Variants in C21orf58 observed in about 807,000 individuals in gnomAD.
C21orf58 encodes chromosome 21 open reading frame 58.
Under a neutral mutation model 35.8 loss-of-function variants are expected in C21orf58, and 34 were observed. The observed-to-expected ratio is 0.95, with a 90% CI of 0.72 to 1.26. The LOEUF is 1.26. C21orf58 is among the 50% of genes most tolerant of loss of function. The probability of loss-of-function intolerance (pLI) is 0.00; values close to 1 mark genes in which losing one functional copy is unlikely to be tolerated. For missense variants in C21orf58, 440 were observed against 414.3 expected (o/e 1.06, Z -0.54); for synonymous variants, 191 against 175.8 (o/e 1.09, Z -0.68).
intron 3 of C21orf58, among the ~76,000 whole-genome samples, chr21:46,315,959 G>T (rs1314148143): frequency 6.6e-6 from 1 of 152,096 alleles, no homozygotes; most frequent in Non-Finnish European, 1.5e-5. Flanking sequence ...TCTAGAGTCT[G>T]GTCTGATCCC....
In C21orf58 at chr21:46,302,061, G is replaced by T; in HGVS notation, c.907C>A (p.Pro303Thr). Residue 303 changes from proline (P) to threonine (T), a missense_variant, in exon 8 of 8, where the codon CCA becomes ACA. Coordinates refer to ENST00000291691, the MANE Select transcript of C21orf58 (RefSeq NM_058180.5). ...HHHHHHHAVW[P>T]PGAATVLQPA... ...TGGAGGACAGTGGCAGCCCCAGGTG[G>T]CCACACAGCATGGTGGTGGTGGTGG... The T allele has an allele frequency of 6.5e-7, 1 of 1,527,994 alleles. No individual in the cohort carries two copies. 94.7% of individuals were successfully genotyped at this position (1,527,994 alleles called of 1,614,324 possible).
chr21:46,310,856 T>C (rs2082651234), intron 6 of C21orf58, among the ~76,000 whole-genome samples: 1 of 151,328 alleles, frequency 6.6e-6, no homozygotes, highest in South Asian at 2.1e-4. Context: ...AAATCAAGTA[T>C]TTAAAAGCTA....
chr21:46,309,722 C>T (rs952426998), intron 6 of C21orf58, among the ~76,000 whole-genome samples: 9 of 152,142 alleles, frequency 5.9e-5, no homozygotes, highest in Non-Finnish European at 1.2e-4. Context: ...GCAGGCCAGG[C>T]ATGGTGGCCC....
rs1473526652 is a variant in C21orf58 at position 46,302,111 on chromosome 21, G to C, written c.857C>G (p.Pro286Arg). 7 of 1,525,616 alleles carry C rather than the reference G, an allele frequency of 4.6e-6. No individual in the cohort carries two copies. Among genetic ancestry groups the C allele is most frequent in the Middle Eastern group, 1.7e-4 (1 of 5,890 alleles). 94.5% of individuals were successfully genotyped at this position (1,525,616 alleles called of 1,614,324 possible). Residue 286 changes from proline to arginine, a missense_variant, in exon 8 of 8, where the codon CCA (proline) becomes CGA (arginine). Transcript: ENST00000291691. ...GTGGTGGTGCACGGCAGGCAGCCTT[G>C]GCCTGGCAGCTCGTGGGACCCTCGG... ...VPPRVPRAAR[P>R]RLPAVHHHHH...
chr21:46,300,690 G>T (rs752581304), downstream of C21orf58: 168 of 1,283,834 alleles, frequency 1.3e-4, no homozygotes, highest in Non-Finnish European at 1.6e-4. Context: ...GCAGCTCAGT[G>T]GCAACTCTCT....
intron 6 of C21orf58, among the ~76,000 whole-genome samples, chr21:46,304,032 T>G (rs1366121478): frequency 1.7e-5 from 2 of 116,476 alleles, no homozygotes; most frequent in Non-Finnish European, 3.7e-5. Flanking sequence ...TTTTTTTTTT[T>G]TTTTTTTTTT....
At chr21:46,315,087 G>T in intron 4 of C21orf58, 1 of 1,412,956 alleles carries the variant, frequency 7.1e-7, no homozygotes, top group Non-Finnish European at 9.5e-7. Flanking sequence ...GTTTCCAGTT[G>T]TTTTCTTTTT....
At chr21:46,318,843 A>C in intron 1 of C21orf58, 1 of 987,508 alleles carries the variant, frequency 1.0e-6, no homozygotes, top group Non-Finnish European at 1.2e-6. Context: ...GCAGAGGGTG[A>C]CGCAAAACAG....
At chr21:46,300,638 C>T, downstream of C21orf58, 2 of 1,232,246 alleles carry the variant, frequency 1.6e-6, no homozygotes, top group South Asian at 2.8e-5. Flanking sequence ...TTCACACCTG[C>T]CCGTCCATGT....
chr21:46,313,022 C>A (rs2082808977), intron 5 of C21orf58: 1 of 985,418 alleles, frequency 1.0e-6, no homozygotes, highest in Non-Finnish European at 1.2e-6. Context: ...GGCTGCCTGG[C>A]CTTGTCCCTT....
At chr21:46,315,370 G>A (rs1047212370) in intron 4 of C21orf58, 104 bp downstream of exon 4, 1 of 770,104 alleles carries the variant, frequency 1.3e-6, no homozygotes, top group African/African-American at 1.7e-5. Context: ...CTGAGAGTCT[G>A]GAAAGGTCTT....
At chr21:46,312,316 T>C (rs2082767444) in intron 5 of C21orf58, among the ~76,000 whole-genome samples, 1 of 152,044 alleles carries the variant, frequency 6.6e-6, no homozygotes, top group Non-Finnish European at 1.5e-5. Context: ...ACACTTGGTA[T>C]GGTGTTTTTG....
Position 46,317,231 on chromosome 21 carries a change from G to C in C21orf58, c.347C>G (p.Pro116Arg), listed in dbSNP as rs1040839579. 2 of 1,611,692 alleles carry C rather than the reference G, an allele frequency of 1.2e-6. No homozygotes were observed. Among genetic ancestry groups the C allele is most frequent in the Non-Finnish European group, 1.7e-6 (2 of 1,179,694 alleles). ...EQERQNVEGG[P>R]EGLHLEPGNE... is the part of the protein sequence containing the mutation. The stretch of plus-strand genomic sequence containing the variant: ...ACCTGGCTCGAGGTGGAGGCCCTCA[G>C]GTCCCCCTTCCACGTTCTGCCGTTC... The change falls in exon 3 of 8, where the codon CCT (proline) becomes CGT (arginine). Residue 116 changes from proline to arginine, a missense_variant. Coordinates refer to ENST00000291691, the MANE Select transcript of C21orf58 (RefSeq NM_058180.5).
At chr21:46,315,176 C>A in intron 4 of C21orf58, 1 of 665,552 alleles carries the variant, frequency 1.5e-6, no homozygotes, top group Non-Finnish European at 2.5e-6. Flanking sequence ...AAAAGCGGCC[C>A]CACCTCCCCT....
At position 46,302,123 on chromosome 21, in the gene C21orf58, C is replaced by G; in HGVS notation, c.845G>C (p.Arg282Pro). 6.6e-7 allele frequency: 1 copy of G among 1,519,832 alleles called. No individual in the cohort carries two copies. The highest frequency in any genetic ancestry group is 8.8e-7 in the Non-Finnish European group (1 of 1,133,348). The allele number at this position is 1,519,832 out of a possible 1,614,324, so 94.1% of individuals were successfully genotyped here. The change falls in exon 8 of 8, where the codon CGA becomes CCA. Residue 282 changes from arginine (R) to proline (P), a missense_variant. Transcript: ENST00000291691. Reference protein sequence around the residue: ...DPPHVPPRVPRAARPRLPAVH... With the variant: ...DPPHVPPRVPPAARPRLPAVH... ...GGCAGGCAGCCTTGGCCTGGCAGCT[C>G]GTGGGACCCTCGGGGGCACATGTGG...
At chr21:46,309,564 C>A (rs1470003823) in intron 6 of C21orf58, among the ~76,000 whole-genome samples, 5 of 152,054 alleles carry the variant, frequency 3.3e-5, no homozygotes, top group African/African-American at 1.2e-4. Flanking sequence ...GATATATTCA[C>A]ACAATGCAAT....
intron 1 of C21orf58, among the ~76,000 whole-genome samples, chr21:46,321,492 T>C (rs530988906): frequency 6.6e-6 from 1 of 152,362 alleles, no homozygotes; most frequent in African/African-American, 2.4e-5. Flanking sequence ...CATTGAGTTA[T>C]GTGTCTTTAG....
At chr21:46,302,600 C>G (rs746570206) in intron 6 of C21orf58, 24 bp from the exon 7 acceptor site, 7 of 1,584,538 alleles carry the variant, frequency 4.4e-6, no homozygotes, top group Non-Finnish European at 6.0e-6. Flanking sequence ...GCAGGGGGAC[C>G]CTGAATAAAG....
rs1305800180 is a variant in C21orf58, at chr21:46,315,554, G to C, written c.371-7C>G. 6.3e-7 allele frequency: 1 copy of C among 1,597,010 alleles called. No homozygotes were observed. The highest frequency in any genetic ancestry group is 8.6e-7 in the Non-Finnish European group (1 of 1,165,070). ...TCCGGCCGGTCCTCATTTCCTGGAG[G>C]GAAGAACCTGCTTGCTTACCAAGGA... On this transcript the variant is annotated splice_polypyrimidine_tract_variant and splice_region_variant and intron_variant, in intron 3 of 7. Transcript: ENST00000291691.
Sources: gnomAD v4.1 joint callset for allele counts (sites outside exome capture counted in the v4.1 genomes callset) on GRCh38, gnomAD v4.1.1 for gene constraint, MANE v1.5 for transcripts, NCBI Gene and HGNC (gene_info 2026-07-23, HGNC 2026-07-21) for gene names.